DNAAF5: variants seen among roughly 807,000 people sequenced by gnomAD.
DNAAF5 encodes HEAT repeat containing 2.
A neutral mutation model predicts 75.8 loss-of-function variants in DNAAF5; 64 were observed. The ratio of observed to expected loss-of-function variants is 0.84; its 90% CI spans 0.69 to 1.04. The LOEUF is 1.04. DNAAF5 is among the 50% of genes least tolerant of loss of function. DNAAF5 has a pLI of 0.00. For synonymous variants in DNAAF5, 657 were observed against 557.2 expected, an observed-to-expected ratio of 1.18 and a Z score of -2.52; for missense variants, 1,269 against 1,178.5, an observed-to-expected ratio of 1.08 and a Z score of -1.12.
intron 11 of DNAAF5, 39 bp from the exon 12 acceptor site, chr7:779,914 G>A (rs181930863): frequency 1.5e-5 from 24 of 1,573,152 alleles, no homozygotes; most frequent in Non-Finnish European, 2.0e-5. Flanking sequence ...TGAAATGTCT[G>A]CTCTAGACTC....
chr7:768,872 G>A, intron 8 of DNAAF5: 1 of 460,362 alleles, frequency 2.2e-6, no homozygotes, highest in Middle Eastern at 5.9e-4. Flanking sequence ...AAGATGTAGA[G>A]AGGGTGAAAC....
chr7:755,341 C>T (rs371140250), intron 5 of DNAAF5, among the ~76,000 whole-genome samples: 18 of 152,156 alleles, frequency 1.2e-4, no homozygotes, highest in Admixed American at 2.0e-4. Flanking sequence ...CCACTGGGTA[C>T]GCACGAGGGA....
rs113190058 is a variant in DNAAF5, at chr7:750,449, A to G, written c.1025-4140A>G. ...CCAGGGACTGGTTTTGTGGAAGACA[A>G]TTTTTCCATGGGTGGGGCAGGGAGC... On this transcript the variant is annotated intron_variant, in intron 4 of 12. Coordinates refer to ENST00000297440, the MANE Select transcript of DNAAF5 (RefSeq NM_017802.4). Among the ~76,000 whole-genome samples, 370 of 152,158 alleles carry G rather than the reference A, an allele frequency of 2.4e-3. 1 individual carries two copies. The highest frequency in any genetic ancestry group is 8.5e-3 in the African/African-American group (353 of 41,490).
At chr7:738,416 C>T (rs931551641) in intron 2 of DNAAF5, among the ~76,000 whole-genome samples, 2 of 152,126 alleles carry the variant, frequency 1.3e-5, no homozygotes, top group South Asian at 2.1e-4. Flanking sequence ...GATTGGTCAC[C>T]GGTGCCTTAT....
intron 8 of DNAAF5, 21 bp downstream of exon 8, chr7:763,995 G>A: frequency 6.3e-7 from 1 of 1,599,220 alleles, no homozygotes. Flanking sequence ...CCGACAGCTG[G>A]CGTGCCGTGC....
intron 2 of DNAAF5, among the ~76,000 whole-genome samples, chr7:736,565 C>T (rs1781745711): frequency 6.6e-6 from 1 of 152,130 alleles, no homozygotes; most frequent in Non-Finnish European, 1.5e-5. Context: ...TCTTTTTTCG[C>T]ATCCCTTTAT....
At chr7:752,274 G>C (rs1782321809) in intron 4 of DNAAF5, among the ~76,000 whole-genome samples, 1 of 152,260 alleles carries the variant, frequency 6.6e-6, no homozygotes, top group South Asian at 2.1e-4. Flanking sequence ...GTAAAGCCCA[G>C]AACCGCAGAG....
intron 4 of DNAAF5, among the ~76,000 whole-genome samples, chr7:746,379 TGCCCAGGGCC>T: frequency 1.4e-5 from 1 of 70,882 alleles, no homozygotes; most frequent in East Asian, 6.3e-4. Flanking sequence ...CCACCCAACA[TGCCCAGGGCC>T]TGTGACGCCC....
intron 5 of DNAAF5, among the ~76,000 whole-genome samples, chr7:755,815 C>T (rs1043424717): frequency 2.6e-5 from 4 of 152,198 alleles, no homozygotes; most frequent in Admixed American, 1.3e-4. Flanking sequence ...CATGTTTCTG[C>T]TTTTCAAAAA....
chr7:776,741 C>T (rs1778772649), intron 11 of DNAAF5, among the ~76,000 whole-genome samples: 1 of 152,214 alleles, frequency 6.6e-6, no homozygotes, highest in African/African-American at 2.4e-5. Flanking sequence ...GAGCCCCTCA[C>T]TCAGGGCAGC....
intron 11 of DNAAF5, among the ~76,000 whole-genome samples, chr7:776,640 C>T (rs1778769837): frequency 6.6e-6 from 1 of 152,204 alleles, no homozygotes; most frequent in Admixed American, 6.5e-5. Context: ...CAGACCAACC[C>T]CAGGTGAGAG....
intron 1 of DNAAF5, 29 bp downstream of exon 1, chr7:727,344 GCCACCCCACACTCTC>G: frequency 8.6e-7 from 1 of 1,165,704 alleles, no homozygotes; most frequent in Non-Finnish European, 1.1e-6. Context: ...GCTCCCACAC[GCCACCCCACACTCTC>G]ACCCCCACCT....
chr7:745,317 C>T (rs182588463), intron 4 of DNAAF5, among the ~76,000 whole-genome samples: 4 of 152,312 alleles, frequency 2.6e-5, no homozygotes, highest in East Asian at 3.9e-4. Flanking sequence ...CAGTCCTTCC[C>T]GCTGTGCACC....
chr7:781,935 C>T (rs1778961105), intron 12 of DNAAF5, among the ~76,000 whole-genome samples: 1 of 152,254 alleles, frequency 6.6e-6, no homozygotes, highest in African/African-American at 2.4e-5. Flanking sequence ...CATCCCGTAC[C>T]CGCGGGCTGT....
At chr7:757,754 A>G (rs1208039388) in intron 6 of DNAAF5, among the ~76,000 whole-genome samples, 2 of 152,174 alleles carry the variant, frequency 1.3e-5, no homozygotes, top group Admixed American at 1.3e-4. Flanking sequence ...AGCACCCCAG[A>G]TATTTCTGGG....
chr7:751,298 A>G (rs1487532522), intron 4 of DNAAF5, among the ~76,000 whole-genome samples: 2 of 152,168 alleles, frequency 1.3e-5, no homozygotes, highest in Non-Finnish European at 2.9e-5. Flanking sequence ...AACCAGAAAA[A>G]GGTTAAAAAT....
At position 786,136 on chromosome 7, in the gene DNAAF5, T is replaced by G. The variant is rs1357810151; in HGVS notation, c.*483T>G. The G allele has an allele frequency of 1.3e-5, 2 of 153,896 alleles. No individual in the cohort carries two copies. Among genetic ancestry groups the G allele is most frequent in the African/African-American group, 2.4e-5 (1 of 41,492 alleles). 9.5% of individuals were successfully genotyped at this position (153,896 alleles called of 1,614,324 possible). A position where few individuals can be genotyped will look rare whatever the true frequency, so the allele number is the denominator to read the frequency against. Reference sequence around the variant, plus strand: ...TGAACAGACTAAAAGGAATTTAGAATCCTAACAACTTATCAGATTTCTCCT... The same window carrying G: ...TGAACAGACTAAAAGGAATTTAGAAGCCTAACAACTTATCAGATTTCTCCT... On this transcript the variant is annotated 3_prime_UTR_variant, in exon 13 of 13. Coordinates refer to ENST00000297440, the MANE Select transcript of DNAAF5 (RefSeq NM_017802.4).
At chr7:782,527 C>G (rs923709168) in intron 12 of DNAAF5, among the ~76,000 whole-genome samples, 1 of 146,858 alleles carries the variant, frequency 6.8e-6, no homozygotes, top group Non-Finnish European at 1.5e-5. Flanking sequence ...GTCAGAAACT[C>G]GCATCTTCCT....
Position 754,487 on chromosome 7 carries a change from G to A in DNAAF5, c.1025-102G>A. ...CCCAAGACTTGTTTTGAAATGGTGA[G>A]GTTGAAACTCACAGGTGTCCCTTAA... On this transcript the variant is annotated intron_variant, in intron 4 of 12. Coordinates refer to ENST00000297440, the MANE Select transcript of DNAAF5 (RefSeq NM_017802.4). This position sits in a 1 kb window ranked among gnomAD's most constrained non-coding sequence, Gnocchi z 4.8. The A allele has an allele frequency of 3.1e-6, 3 of 956,668 alleles. No individual in the cohort carries two copies. Among genetic ancestry groups the A allele is most frequent in the Non-Finnish European group, 5.0e-6 (3 of 603,744 alleles). 59.3% of individuals were successfully genotyped at this position (956,668 alleles called of 1,614,324 possible).
Sources: gnomAD v4.1 joint callset for allele counts (sites outside exome capture counted in the v4.1 genomes callset) on GRCh38, gnomAD v4.1.1 for gene constraint, Gnocchi (gnomAD v3.1) non-coding constraint, MANE v1.5 for transcripts, NCBI Gene and HGNC (gene_info 2026-07-23, HGNC 2026-07-21) for gene names.